LINGO2: variants seen among roughly 807,000 people sequenced by gnomAD.
LINGO2 encodes leucine-rich repeat and immunoglobulin-like domain-containing nogo receptor-interacting protein 2.
A neutral mutation model predicts 30.6 loss-of-function variants in LINGO2; 14 were observed. The observed-to-expected ratio is 0.46, with a 90% CI of 0.30 to 0.72. The LOEUF (loss-of-function observed/expected upper bound fraction) is 0.72. LINGO2 is among the 30% of genes least tolerant of loss of function. LINGO2 has a pLI of 0.07. For synonymous variants in LINGO2, 317 were observed against 288.5 expected (o/e 1.10, Z -1.00); for missense variants, 729 against 751.7 (o/e 0.97, Z 0.35).
chr9:29,056,438 GGATTATTTT>G, the LINGO2 span, among the ~76,000 whole-genome samples: 1 of 151,802 alleles, frequency 6.6e-6, no homozygotes, highest in Non-Finnish European at 1.5e-5. Context: ...CTTTTGGATG[GGATTATTTT>G]TTTCTTGCTG....
chr9:27,969,920 C>T (rs183068342), intron 5 of LINGO2, among the ~76,000 whole-genome samples: 21 of 152,080 alleles, frequency 1.4e-4, no homozygotes, highest in Admixed American at 1.0e-3. Context: ...GTAGACCTGC[C>T]GTAGCAGAAA....
chr9:27,982,222 C>A lies in LINGO2; in HGVS notation c.-36+30133G>T, dbSNP rs529571584. ...CTGTTCCTCTTCTACACATTGGGACCCTTTCCCCAAATGGATGGTCAGATG... is the reference window on the plus strand; with the variant it reads ...CTGTTCCTCTTCTACACATTGGGACACTTTCCCCAAATGGATGGTCAGATG... On this transcript the variant is annotated intron_variant, in intron 5 of 5. Transcript: ENST00000379992. 9.9e-5 allele frequency among the ~76,000 whole-genome samples: 15 copies of A among 151,878 alleles called. No individual in the cohort carries two copies. The South Asian group carries it at 3.1e-3, about 32-fold the overall frequency.
intron 4 of LINGO2, among the ~76,000 whole-genome samples, chr9:28,238,187 A>G (rs1030129160): frequency 5.3e-5 from 8 of 152,048 alleles, no homozygotes; most frequent in African/African-American, 1.9e-4. Flanking sequence ...TAGGGAATAG[A>G]TGGAGATTTC....
chr9:29,085,408 T>A, the LINGO2 span, among the ~76,000 whole-genome samples: 1 of 148,190 alleles, frequency 6.7e-6, no homozygotes, highest in African/African-American at 2.5e-5. Flanking sequence ...GCTAATTGGT[T>A]ACTATGTATC....
chr9:28,289,918 C>T (rs1470585859), intron 4 of LINGO2, among the ~76,000 whole-genome samples: 1 of 152,160 alleles, frequency 6.6e-6, no homozygotes, highest in Non-Finnish European at 1.5e-5. Context: ...CTTCTCCTTT[C>T]CCCATGCCCT....
chr9:28,451,672 A>C (rs894451705), intron 2 of LINGO2, among the ~76,000 whole-genome samples: 1 of 151,754 alleles, frequency 6.6e-6, no homozygotes, highest in Admixed American at 6.6e-5. Flanking sequence ...TAAATTTCGG[A>C]TGGTAAATCT....
At chr9:28,472,804 A>G (rs991712277) in intron 2 of LINGO2, among the ~76,000 whole-genome samples, 2 of 152,066 alleles carry the variant, frequency 1.3e-5, no homozygotes, top group Non-Finnish European at 2.9e-5. Context: ...GTGCTCCTTC[A>G]GTTTCCTTTG....
At chr9:28,456,184 T>C (rs1315388110) in intron 2 of LINGO2, among the ~76,000 whole-genome samples, 2 of 152,308 alleles carry the variant, frequency 1.3e-5, no homozygotes, top group South Asian at 2.1e-4. Context: ...GTAAGTGCTA[T>C]TGTTATTGCC....
the LINGO2 span, among the ~76,000 whole-genome samples, chr9:28,970,060 G>A: frequency 3.3e-5 from 5 of 152,018 alleles, no homozygotes; most frequent in Non-Finnish European, 7.4e-5. Flanking sequence ...GACAGTGTAC[G>A]TGGGAAAAGA....
intron 1 of LINGO2, among the ~76,000 whole-genome samples, chr9:28,565,718 A>AT (rs938140034): frequency 4.8e-5 from 7 of 146,222 alleles, no homozygotes; most frequent in East Asian, 2.1e-4. Context: ...CGCCCACCTA[A>AT]TTTTTTTTGT....
At position 28,593,566 on chromosome 9, in the gene LINGO2, G is replaced by A. The variant is rs116886589; in HGVS notation, c.-365+76634C>T. Among the ~76,000 whole-genome samples the A allele has an allele frequency of 8.5e-3, 1,294 of 152,070 alleles. 31 individuals carry two copies. Among genetic ancestry groups the A allele is most frequent in the East Asian group, 0.055 (286 of 5,160 alleles). ...AGTGTCTTCTAAGTTCCCCATAAAA[G>A]GTCTGACTATTGCTATTAGGTTTCA... On this transcript the variant is annotated intron_variant, in intron 1 of 5. Transcript: ENST00000379992.
At chr9:28,184,345 G>A (rs1283403812) in intron 4 of LINGO2, among the ~76,000 whole-genome samples, 1 of 152,128 alleles carries the variant, frequency 6.6e-6, no homozygotes, top group Non-Finnish European at 1.5e-5. Context: ...AGGTAATGCA[G>A]ACAACAAGTG....
the LINGO2 span, among the ~76,000 whole-genome samples, chr9:29,083,953 C>T: frequency 6.6e-6 from 1 of 151,846 alleles, no homozygotes; most frequent in East Asian, 1.9e-4. Context: ...TTTTTTTCAT[C>T]CCTAAGAACT....
At chr9:28,466,308 T>G (rs1463364365) in intron 2 of LINGO2, among the ~76,000 whole-genome samples, 2 of 152,186 alleles carry the variant, frequency 1.3e-5, no homozygotes, top group African/African-American at 4.8e-5. Flanking sequence ...GATCCCATCA[T>G]TTGCAGTGAC....
the LINGO2 span, among the ~76,000 whole-genome samples, chr9:29,112,017 CA>C: frequency 7.8e-6 from 1 of 128,278 alleles, no homozygotes; most frequent in South Asian, 2.6e-4. Context: ...ATCCCTTATA[CA>C]TTGCATATGC....
At chr9:28,362,196 G>A (rs193046386) in intron 3 of LINGO2, among the ~76,000 whole-genome samples, 1,799 of 143,286 alleles carry the variant, frequency 0.013, 39 homozygotes, top group African/African-American at 0.044. Context: ...TCCCTTTAAT[G>A]GTGTAAATTG....
chr9:28,072,041 A>T (rs958872270), intron 4 of LINGO2, among the ~76,000 whole-genome samples: 4 of 152,168 alleles, frequency 2.6e-5, no homozygotes, highest in African/African-American at 9.7e-5. Flanking sequence ...TCCCATCTTC[A>T]TCCTCCTTCT....
chr9:28,649,362 A>G (rs1387978240), intron 1 of LINGO2, among the ~76,000 whole-genome samples: 8 of 152,162 alleles, frequency 5.3e-5, no homozygotes, highest in Non-Finnish European at 7.4e-5. Flanking sequence ...ATCTGATTAA[A>G]TCCTCATAAC....
At chr9:28,412,719 A>G (rs931730764) in intron 2 of LINGO2, among the ~76,000 whole-genome samples, 1 of 152,152 alleles carries the variant, frequency 6.6e-6, no homozygotes, top group African/African-American at 2.4e-5. Context: ...GGCAATAGCA[A>G]TGACATAAAA....
Sources: allele counts gnomAD v4.1 joint callset (sites outside exome capture counted in the v4.1 genomes callset), GRCh38; gene constraint gnomAD v4.1.1; transcripts MANE v1.5; gene names NCBI Gene and HGNC (gene_info 2026-07-23, HGNC 2026-07-21).